ENOSF1: variants seen among roughly 807,000 people sequenced by gnomAD.
ENOSF1 encodes the protein mitochondrial enolase superfamily member 1.
Under a neutral mutation model 68.2 loss-of-function variants are expected in ENOSF1, and 73 were observed. The observed-to-expected ratio is 1.07, with a 90% CI of 0.89 to 1.30. ENOSF1 has a LOEUF of 1.30. Ranked by LOEUF, ENOSF1 falls within the 50% of genes most tolerant of loss-of-function variation. The pLI, the probability that ENOSF1 is intolerant of heterozygous loss-of-function variation, is 0.00. For synonymous variants in ENOSF1, 223 were observed against 210.4 expected (o/e 1.06, Z -0.52); for missense variants, 589 against 554.5 (o/e 1.06, Z -0.62).
chr18:677,297 A>G, intron 14 of ENOSF1, 48 bp downstream of exon 14: 2 of 1,494,796 alleles, frequency 1.3e-6, no homozygotes, highest in Non-Finnish European at 1.9e-6. Context: ...TCTGGCCTGG[A>G]TTGAGGGACC....
At position 672,732 on chromosome 18, in the gene ENOSF1, G is replaced by A. The variant is rs959549376; in HGVS notation, c.*1573C>T. On this transcript the variant is annotated 3_prime_UTR_variant, in exon 16 of 16. Coordinates refer to ENST00000647584, the MANE Select transcript of ENOSF1 (RefSeq NM_017512.7). ...GTTACATAACCTACGGCAAGGTATC[G>A]ACAGGATCATACTCCTGTAAAATAG... The A allele has an allele frequency of 3.1e-5, 33 of 1,062,756 alleles. No individual in the cohort carries two copies. Among genetic ancestry groups the A allele is most frequent in the East Asian group, 4.8e-5 (2 of 41,396 alleles). The allele number at this position is 1,062,756 out of a possible 1,614,324, so 65.8% of individuals were successfully genotyped here.
At chr18:696,209 T>TC (rs2077702923) in intron 3 of ENOSF1, among the ~76,000 whole-genome samples, 1 of 142,466 alleles carries the variant, frequency 7.0e-6, no homozygotes. Flanking sequence ...TCTCTCTTTT[T>TC]TTTTTTTTTT....
At chr18:704,667 G>A (rs143958961) in intron 2 of ENOSF1, among the ~76,000 whole-genome samples, 2 of 147,962 alleles carry the variant, frequency 1.4e-5, no homozygotes, top group South Asian at 2.2e-4. Flanking sequence ...GTGCAGCGGC[G>A]CAATCTCGGC....
chr18:707,357 C>T (rs1309862658), intron 1 of ENOSF1, among the ~76,000 whole-genome samples: 2 of 152,116 alleles, frequency 1.3e-5, no homozygotes, highest in African/African-American at 2.4e-5. Context: ...AGTTTTCACT[C>T]GCAGCTATCT....
chr18:710,012 T>C (rs749234480), intron 1 of ENOSF1, among the ~76,000 whole-genome samples: 5 of 152,254 alleles, frequency 3.3e-5, no homozygotes, highest in Non-Finnish European at 7.3e-5. Context: ...TAAGTATTTA[T>C]GAGCTTGCAA....
intron 9 of ENOSF1, chr18:688,032 T>C (rs1464383044): frequency 6.5e-6 from 1 of 153,422 alleles, no homozygotes; most frequent in Non-Finnish European, 1.4e-5. Flanking sequence ...CCAGGTGTGG[T>C]GGCGGGTGTC....
rs2075100761 is a variant in ENOSF1 at position 672,325 on chromosome 18, GA to G, written c.*1979del. On this transcript the variant is annotated 3_prime_UTR_variant, in exon 16 of 16. Coordinates refer to ENST00000647584, the MANE Select transcript of ENOSF1 (RefSeq NM_017512.7). The stretch of plus-strand genomic sequence containing the variant: ...AGTTTGGCTGCTTTTGAGTGGAGGT[GA>G]CTTCAGGCTTATTCTCTCTGGCTCT... The G allele has an allele frequency of 6.6e-6, 1 of 152,248 alleles. No individual in the cohort carries two copies. Among genetic ancestry groups the G allele is most frequent in the African/African-American group, 2.4e-5 (1 of 41,446 alleles). 9.4% of individuals were successfully genotyped at this position (152,248 alleles called of 1,614,324 possible).
Position 672,802 on chromosome 18 carries a change from G to A in ENOSF1, c.*1503C>T, listed in dbSNP as rs1000938745. On this transcript the variant is annotated 3_prime_UTR_variant, in exon 16 of 16. Coordinates refer to ENST00000647584, the MANE Select transcript of ENOSF1 (RefSeq NM_017512.7). The stretch of plus-strand genomic sequence containing the variant: ...TGTGTACTTGTTTCACGGACATGAG[G>A]AGCAATTACAACAGGTCGTACAATT... 4.0e-6 allele frequency: 6 copies of A among 1,508,926 alleles called. No homozygotes were observed. In the African/African-American group the frequency reaches 4.1e-5, roughly 10 times the overall value. 93.5% of individuals were successfully genotyped at this position (1,508,926 alleles called of 1,614,324 possible).
rs147415925 is a variant in ENOSF1 at position 700,086 on chromosome 18, A to G, written c.194-2731T>C. Among the ~76,000 whole-genome samples the G allele has an allele frequency of 2.1e-3, 325 of 152,338 alleles. 1 individual carries two copies. The highest frequency in any genetic ancestry group is 7.4e-3 in the African/African-American group (307 of 41,574). ...CAAGAGCGAAACTCCATCTCAAGAA[A>G]AAGAAAGAAAGTGATGCCCCAAGCT... On this transcript the variant is annotated intron_variant, in intron 2 of 15. Coordinates refer to ENST00000647584, the MANE Select transcript of ENOSF1 (RefSeq NM_017512.7).
At chr18:690,750 A>T in intron 7 of ENOSF1, 119 bp from the exon 8 acceptor site, 1 of 1,193,160 alleles carries the variant, frequency 8.4e-7, no homozygotes, top group Non-Finnish European at 1.1e-6. Flanking sequence ...CCGGCCCTGC[A>T]CACACACACC....
chr18:688,371 G>C (rs1203231399), intron 9 of ENOSF1: 1 of 573,970 alleles, frequency 1.7e-6, no homozygotes, highest in Non-Finnish European at 3.1e-6. Context: ...AACTCTGATG[G>C]CCTATAATTC....
At chr18:698,802 G>A (rs1350979995) in intron 2 of ENOSF1, among the ~76,000 whole-genome samples, 2 of 151,658 alleles carry the variant, frequency 1.3e-5, no homozygotes, top group Admixed American at 1.3e-4. Context: ...TTGTATTTTT[G>A]GTAGAGACAG....
chr18:669,229 A>C, downstream of ENOSF1: 1 of 1,524,772 alleles, frequency 6.6e-7, no homozygotes, highest in Admixed American at 1.7e-5. Context: ...GAGGGAAGCA[A>C]TCTGGTTTTG....
chr18:697,393 TACTAG>T, intron 2 of ENOSF1, 38 bp from the exon 3 acceptor site: 2 of 1,420,532 alleles, frequency 1.4e-6, no homozygotes, highest in Non-Finnish European at 2.0e-6. Flanking sequence ...TATGCTTCTA[TACTAG>T]GTCAAGAAAT....
At chr18:696,204 C>CTTTTTTTTTT (rs368856668) in intron 3 of ENOSF1, among the ~76,000 whole-genome samples, 40 of 118,702 alleles carry the variant, frequency 3.4e-4, no homozygotes, top group African/African-American at 1.1e-3. Flanking sequence ...ACATCTCTCT[C>CTTTTTTTTTT]TTTTTTTTTT....
chr18:694,734 T>TA lies in ENOSF1; in HGVS notation c.310-401dup, dbSNP rs1031044147. On this transcript the variant is annotated intron_variant, in intron 3 of 15. Transcript: ENST00000647584. ...TAGAAACCCACCTAAAGGTTAAGTT[T>TA]AAAAAAAACAGTTGCTAACCTATTG... Among the ~76,000 whole-genome samples, 14 of 151,896 alleles carry TA rather than the reference T, an allele frequency of 9.2e-5. No homozygotes were observed. The South Asian group carries it at 1.7e-3, about 18-fold the overall frequency.
chr18:680,861 T>G (rs1424402039), intron 11 of ENOSF1, among the ~76,000 whole-genome samples: 1 of 151,002 alleles, frequency 6.6e-6, no homozygotes, highest in Non-Finnish European at 1.5e-5. Context: ...TTTTTTTTTT[T>G]CTGAGATGGA....
At chr18:696,204 C>CTTTTTTTTTTTTTTTTTTTTTTTTT (rs368856668) in intron 3 of ENOSF1, among the ~76,000 whole-genome samples, 3 of 118,688 alleles carry the variant, frequency 2.5e-5, no homozygotes, top group African/African-American at 3.3e-5. Context: ...ACATCTCTCT[C>CTTTTTTTTTTTTTTTTTTTTTTTTT]TTTTTTTTTT....
rs1274767296 is a variant in ENOSF1, at chr18:673,259, A to T, written c.*1046T>A. 1 of 309,492 alleles carries T rather than the reference A, an allele frequency of 3.2e-6. No homozygotes were observed. The highest frequency in any genetic ancestry group is 2.1e-5 in the African/African-American group (1 of 47,492). The allele number at this position is 309,492 out of a possible 1,614,324, so 19.2% of individuals were successfully genotyped here. A position where few individuals can be genotyped will look rare whatever the true frequency, so the allele number is the denominator to read the frequency against. ...GAACAAAGTGAGGAGAATGAAATGT[A>T]TGTGCTCTTAGCAAAAACATGTATG... On this transcript the variant is annotated 3_prime_UTR_variant, in exon 16 of 16. Coordinates refer to ENST00000647584, the MANE Select transcript of ENOSF1 (RefSeq NM_017512.7).
Sources: allele counts gnomAD v4.1 joint callset (sites outside exome capture counted in the v4.1 genomes callset), GRCh38; gene constraint gnomAD v4.1.1; transcripts MANE v1.5; gene names NCBI Gene and HGNC (gene_info 2026-07-23, HGNC 2026-07-21).